The following NBAS variants were observed in gnomAD, a reference collection of about 807,000 sequenced individuals.
The protein encoded by NBAS is NBAS subunit of NRZ tethering complex.
A neutral mutation model predicts 302.5 loss-of-function variants in NBAS; 219 were observed. The ratio of observed to expected loss-of-function variants is 0.72; its 90% confidence interval spans 0.65 to 0.81. The LOEUF is 0.81. Ranked by LOEUF, NBAS falls within the 30% of genes least tolerant of loss-of-function variation. The probability of loss-of-function intolerance (pLI) is 0.00; values close to 1 mark genes in which losing one functional copy is unlikely to be tolerated. For synonymous variants in NBAS, 1,118 were observed against 1,021.6 expected, an observed-to-expected ratio of 1.09 and a Z score of -1.80; for missense variants, 2,932 against 2,841.6, an observed-to-expected ratio of 1.03 and a Z score of -0.72.
At chr2:15,377,967 C>T (rs1674828064) in intron 30 of NBAS, among the ~76,000 whole-genome samples, 1 of 152,152 alleles carries the variant, frequency 6.6e-6, no homozygotes, top group African/African-American at 2.4e-5. Flanking sequence ...CTCTTATAGA[C>T]TGTTAACCAG....
At chr2:14,857,973 T>C in the NBAS span, among the ~76,000 whole-genome samples, 2 of 152,042 alleles carry the variant, frequency 1.3e-5, no homozygotes, top group Non-Finnish European at 1.5e-5. Flanking sequence ...AACAACTCTA[T>C]AGGAAAAATA....
At chr2:14,840,864 A>G in the NBAS span, among the ~76,000 whole-genome samples, 2 of 152,166 alleles carry the variant, frequency 1.3e-5, no homozygotes, top group East Asian at 1.9e-4. Flanking sequence ...AATTAAATGG[A>G]TGGACAAACT....
At chr2:15,430,471 C>T (rs575254065) in intron 21 of NBAS, among the ~76,000 whole-genome samples, 1 of 152,332 alleles carries the variant, frequency 6.6e-6, no homozygotes, top group East Asian at 1.9e-4. Flanking sequence ...ACTGACTGAT[C>T]TCCTACTATG....
At chr2:15,512,271 A>C (rs1466494347) in intron 9 of NBAS, among the ~76,000 whole-genome samples, 1 of 152,218 alleles carries the variant, frequency 6.6e-6, no homozygotes, top group Non-Finnish European at 1.5e-5. Context: ...AATAAATATC[A>C]GTACCTCATG....
chr2:15,503,627 G>C (rs981927285), intron 11 of NBAS, among the ~76,000 whole-genome samples: 3 of 152,108 alleles, frequency 2.0e-5, no homozygotes, highest in Non-Finnish European at 2.9e-5. Context: ...GGATGAAACC[G>C]TCTAACATCC....
the NBAS span, among the ~76,000 whole-genome samples, chr2:15,085,220 T>G: frequency 6.6e-6 from 1 of 152,050 alleles, no homozygotes; most frequent in African/African-American, 2.4e-5. Flanking sequence ...GGGGCTGCAC[T>G]TTGGAGGCCC....
At chr2:14,805,436 G>T in the NBAS span, among the ~76,000 whole-genome samples, 2 of 152,138 alleles carry the variant, frequency 1.3e-5, no homozygotes, top group African/African-American at 4.8e-5. Context: ...AACTTTATTT[G>T]CAGGCAAATA....
intron 28 of NBAS, among the ~76,000 whole-genome samples, chr2:15,386,119 A>G (rs539192890): frequency 1.3e-5 from 2 of 152,324 alleles, no homozygotes; most frequent in Admixed American, 6.5e-5. Context: ...TAACACTTGC[A>G]CTGGAGAAAT....
At chr2:14,865,606 T>C in the NBAS span, among the ~76,000 whole-genome samples, 1 of 152,196 alleles carries the variant, frequency 6.6e-6, no homozygotes, top group South Asian at 2.1e-4. Context: ...TGCAAAATCA[T>C]CTTATGCCCA....
intron 21 of NBAS, among the ~76,000 whole-genome samples, chr2:15,453,756 T>C (rs2148544151): frequency 6.6e-6 from 1 of 152,270 alleles, no homozygotes; most frequent in African/African-American, 2.4e-5. Flanking sequence ...ATTGCCAGGA[T>C]ACTATAGTAA....
At chr2:15,236,200 A>C (rs1480274368) in intron 45 of NBAS, among the ~76,000 whole-genome samples, 2 of 152,120 alleles carry the variant, frequency 1.3e-5, no homozygotes, top group African/African-American at 2.4e-5. Flanking sequence ...ATCATATCTT[A>C]GATGAAACAA....
chr2:15,327,729 G>A (rs762482783), intron 38 of NBAS, 21 bp downstream of exon 38: 68 of 1,613,168 alleles, frequency 4.2e-5, no homozygotes, highest in Non-Finnish European at 5.6e-5. Context: ...ACTGTCAAGG[G>A]ACTAGAACCT....
At chr2:15,091,609 T>C in the NBAS span, among the ~76,000 whole-genome samples, 1 of 151,896 alleles carries the variant, frequency 6.6e-6, no homozygotes, top group Non-Finnish European at 1.5e-5. Flanking sequence ...CTAGGATCAC[T>C]GCAACCTCCA....
At chr2:15,310,668 A>T (rs1021560911) in intron 38 of NBAS, among the ~76,000 whole-genome samples, 9 of 152,186 alleles carry the variant, frequency 5.9e-5, no homozygotes, top group African/African-American at 2.2e-4. Flanking sequence ...CATGCCCGTA[A>T]TCTCAACACT....
chr2:15,409,769 GT>G (rs944488307), intron 25 of NBAS, among the ~76,000 whole-genome samples: 8 of 152,128 alleles, frequency 5.3e-5, no homozygotes, highest in African/African-American at 1.7e-4. Context: ...CTGCCACGGA[GT>G]TTTGCTCAAA....
At position 15,292,675 on chromosome 2, in the gene NBAS, T is replaced by C. The variant is rs969465843; in HGVS notation, c.4889A>G (p.Lys1630Arg). ...AWPEDLISLT[K>R]QLHCYNERLL... is the part of the protein sequence containing the mutation. ...ACGTTCATTGTAGCAGTGTAACTGCTTGGTCAGTGAAATAAGGTCTTCAGG... is the reference window on the plus strand; with the variant it reads ...ACGTTCATTGTAGCAGTGTAACTGCCTGGTCAGTGAAATAAGGTCTTCAGG... Residue 1630 changes from lysine (K) to arginine (R), a missense_variant, in exon 41 of 52, where the codon AAG becomes AGG. Coordinates refer to ENST00000281513, the MANE Select transcript of NBAS (RefSeq NM_015909.4). The C allele has an allele frequency of 3.7e-6, 6 of 1,614,214 alleles. No homozygotes were observed. Among genetic ancestry groups the C allele is most frequent in the South Asian group, 2.2e-5 (2 of 91,074 alleles).
chr2:14,839,158 T>G, the NBAS span, among the ~76,000 whole-genome samples: 1 of 151,422 alleles, frequency 6.6e-6, no homozygotes. Context: ...AAATCTAATA[T>G]GAGGATGATA....
the NBAS span, among the ~76,000 whole-genome samples, chr2:14,833,373 C>G: frequency 6.6e-6 from 1 of 152,100 alleles, no homozygotes; most frequent in Non-Finnish European, 1.5e-5. Flanking sequence ...TCAGAGATCA[C>G]ATGTGACAGA....
chr2:15,154,210 G>A, the NBAS span, among the ~76,000 whole-genome samples: 1 of 152,182 alleles, frequency 6.6e-6, no homozygotes, highest in Non-Finnish European at 1.5e-5. Context: ...GTACTCTCTA[G>A]GTCCAGAGAC....
Sources: gnomAD v4.1 joint callset for allele counts (sites outside exome capture counted in the v4.1 genomes callset) on GRCh38, gnomAD v4.1.1 for gene constraint, MANE v1.5 for transcripts, NCBI Gene and HGNC (gene_info 2026-07-23, HGNC 2026-07-21) for gene names.